The following RASGRF1 variants were observed in gnomAD, a reference collection of about 807,000 sequenced individuals.
The protein encoded by RASGRF1 is Ras protein specific guanine nucleotide releasing factor 1.
A neutral mutation model predicts 138.7 loss-of-function variants in RASGRF1; 40 were observed. The ratio of observed to expected loss-of-function variants is 0.29; its 90% confidence interval spans 0.22 to 0.38. RASGRF1 has a LOEUF of 0.38. Ranked by LOEUF, RASGRF1 falls within the 10% of genes least tolerant of loss-of-function variation. The probability of loss-of-function intolerance (pLI) is 1.00; values close to 1 mark genes in which losing one functional copy is unlikely to be tolerated. For missense variants in RASGRF1, 1,108 were observed against 1,650.4 expected (o/e 0.67, Z 5.69); for synonymous variants, 614 against 663.2 (o/e 0.93, Z 1.14).
chr15:79,075,799 G>T (rs1329773791), intron 1 of RASGRF1, among the ~76,000 whole-genome samples: 1 of 152,170 alleles, frequency 6.6e-6, no homozygotes. Context: ...GTCTGGGTCT[G>T]GCAGTGAAGC....
chr15:79,006,079 G>A lies in RASGRF1; in HGVS notation c.2075+107C>T. The A allele has an allele frequency of 6.7e-7, 1 of 1,488,278 alleles. No homozygotes were observed. Among genetic ancestry groups the A allele is most frequent in the Non-Finnish European group, 9.2e-7 (1 of 1,092,266 alleles). 92.2% of individuals were successfully genotyped at this position (1,488,278 alleles called of 1,614,324 possible). On this transcript the variant is annotated intron_variant, in intron 14 of 26. Transcript: ENST00000558480. This position sits in a 1 kb window ranked among gnomAD's most constrained non-coding sequence, Gnocchi z 4.0. ...CGCAGCACCCCAACACGTTACTGCT[G>A]CTCCTCCAGGGACCTTCCAGGTCAC...
intron 5 of RASGRF1, among the ~76,000 whole-genome samples, chr15:79,038,258 C>T (rs930122257): frequency 6.6e-6 from 1 of 152,196 alleles, no homozygotes; most frequent in Non-Finnish European, 1.5e-5. Context: ...CAGACAGCTT[C>T]AGCACAGCAG....
At chr15:79,063,224 C>G (rs1292837722) in intron 2 of RASGRF1, among the ~76,000 whole-genome samples, 1 of 152,182 alleles carries the variant, frequency 6.6e-6, no homozygotes, top group Non-Finnish European at 1.5e-5. Flanking sequence ...CATCTGTCTC[C>G]CAGCACTGTG....
chr15:78,962,713 T>C (rs1331457818), intron 26 of RASGRF1, among the ~76,000 whole-genome samples: 3 of 152,032 alleles, frequency 2.0e-5, no homozygotes. Flanking sequence ...TGAGACCCTG[T>C]TTCTACAAAA....
chr15:78,995,735 C>CTCA lies in RASGRF1; in HGVS notation c.3027+2_3027+4dup, dbSNP rs2056377695. The CTCA allele has an allele frequency of 6.2e-7, 1 of 1,614,184 alleles. No individual in the cohort carries two copies. On this transcript the variant is annotated splice_donor_region_variant and intron_variant, in intron 20 of 26. Transcript: ENST00000558480. ...TTGGAAAGCAAGAGGGCAGGCCCAG[C>CTCA]TCACCATCTGCGTGATCTCCTCCAG...
At position 79,046,637 on chromosome 15, in the gene RASGRF1, G is replaced by T; in HGVS notation, c.878+109C>A. On this transcript the variant is annotated intron_variant, in intron 5 of 26. Transcript: ENST00000558480. This position sits in a 1 kb window ranked among gnomAD's most constrained non-coding sequence, Gnocchi z 5.3. ...TCTTGGGCACTTCTGTCCTCTCTGG[G>T]CCTCATCTGCACTCGGTGGGAACCA... The T allele has an allele frequency of 5.9e-6, 9 of 1,525,322 alleles. No individual in the cohort carries two copies. Among genetic ancestry groups the T allele is most frequent in the South Asian group, 1.2e-5 (1 of 80,348 alleles). The allele number at this position is 1,525,322 out of a possible 1,614,324, so 94.5% of individuals were successfully genotyped here. A position where few individuals can be genotyped will look rare whatever the true frequency, so the allele number is the denominator to read the frequency against.
At chr15:79,015,486 T>C (rs1184563577) in intron 12 of RASGRF1, 77 bp from the exon 13 acceptor site, 1 of 1,328,440 alleles carries the variant, frequency 7.5e-7, no homozygotes, top group African/African-American at 1.5e-5. Flanking sequence ...CTGCCAACTG[T>C]AAAGTTCACA....
chr15:79,040,236 TC>T (rs1350293422), intron 5 of RASGRF1, among the ~76,000 whole-genome samples: 1 of 151,542 alleles, frequency 6.6e-6, no homozygotes, highest in African/African-American at 2.4e-5. Context: ...TATCACCCCC[TC>T]CCCCCTTCAT....
intron 2 of RASGRF1, among the ~76,000 whole-genome samples, chr15:79,059,895 TG>T (rs1287689653): frequency 7.9e-5 from 12 of 151,528 alleles, no homozygotes; most frequent in African/African-American, 2.7e-4. Flanking sequence ...AAAACTAAAT[TG>T]GGAATATGTA....
At chr15:79,025,585 T>G (rs2057035314) in intron 9 of RASGRF1, 111 bp from the exon 10 acceptor site, 1 of 1,308,624 alleles carries the variant, frequency 7.6e-7, no homozygotes, top group Non-Finnish European at 1.0e-6. Context: ...AAGTCCATTC[T>G]GTTTCCCAGT....
At chr15:79,078,132 G>GGTGTGT (rs143462965) in intron 1 of RASGRF1, among the ~76,000 whole-genome samples, 2 of 148,182 alleles carry the variant, frequency 1.3e-5, no homozygotes, top group Non-Finnish European at 3.0e-5. Context: ...CAGAGAACCT[G>GGTGTGT]GTGTGTGTGT....
Position 78,990,241 on chromosome 15 carries a change from T to C in RASGRF1, c.3164A>G (p.Glu1055Gly), listed in dbSNP as rs748315036. 6.2e-7 allele frequency: 1 copy of C among 1,609,678 alleles called. No individual in the cohort carries two copies. The highest frequency in any genetic ancestry group is 8.5e-7 in the Non-Finnish European group (1 of 1,175,890). Residue 1055 changes from glutamate to glycine, a missense_variant, in exon 22 of 27, where the codon GAA (glutamate) becomes GGA (glycine). Glu to Gly is a moderately conservative substitution (Grantham distance 98). Transcript: ENST00000558480. ...EFFGQGWMKL[E>G]KNERTPYIMK... ...GATATAAGGGGTCCTTTCATTCTTT[T>C]CCAGTTTCATCCATCCTTGTCCGAA...
chr15:79,062,113 T>G (rs1450676018), intron 2 of RASGRF1, among the ~76,000 whole-genome samples: 1 of 152,234 alleles, frequency 6.6e-6, no homozygotes, highest in Non-Finnish European at 1.5e-5. Flanking sequence ...TAAGTATTGG[T>G]ATTTCATTAC....
intron 22 of RASGRF1, among the ~76,000 whole-genome samples, chr15:78,986,470 C>T (rs917551700): frequency 2.6e-5 from 4 of 151,900 alleles, no homozygotes; most frequent in African/African-American, 9.7e-5. Context: ...CCACAACCTC[C>T]CAAGTAGCTG....
At chr15:79,076,825 C>T (rs1290159985) in intron 1 of RASGRF1, among the ~76,000 whole-genome samples, 2 of 152,226 alleles carry the variant, frequency 1.3e-5, no homozygotes, top group Admixed American at 6.5e-5. Context: ...TGATTCCTGA[C>T]CAAGAACTCT....
At chr15:78,990,715 T>G (rs933379480) in intron 21 of RASGRF1, among the ~76,000 whole-genome samples, 3 of 152,200 alleles carry the variant, frequency 2.0e-5, no homozygotes, top group African/African-American at 4.8e-5. Context: ...TTAAAAAGCC[T>G]GCAAGCCAAG....
intron 11 of RASGRF1, among the ~76,000 whole-genome samples, chr15:79,018,498 A>T (rs1360781757): frequency 1.3e-5 from 2 of 152,206 alleles, no homozygotes; most frequent in Non-Finnish European, 2.9e-5. Context: ...ATTCTTTTCA[A>T]TGCACTCACA....
rs148381285 is a variant in RASGRF1 at position 79,046,736 on chromosome 15, G to A, written c.878+10C>T. 11 of 1,613,744 alleles carry A rather than the reference G, an allele frequency of 6.8e-6. No individual in the cohort carries two copies. The highest frequency in any genetic ancestry group is 8.5e-6 in the Non-Finnish European group (10 of 1,179,650). ...CCTTCCTGCCTTGGCCAACCTTTAG[G>A]GGTGCTCACCTGTTCAGGAAGATGC... On this transcript the variant is annotated intron_variant, in intron 5 of 26. Coordinates refer to ENST00000558480, the MANE Select transcript of RASGRF1 (RefSeq NM_001145648.3). The surrounding 1 kb of genome is among the most constrained non-coding windows in gnomAD (Gnocchi z 5.3).
intron 11 of RASGRF1, among the ~76,000 whole-genome samples, chr15:79,019,399 A>G (rs534461348): frequency 4.6e-5 from 7 of 152,242 alleles, no homozygotes; most frequent in African/African-American, 1.7e-4. Context: ...AATCCCATCA[A>G]ACATCACAGC....
Sources: allele counts gnomAD v4.1 joint callset (sites outside exome capture counted in the v4.1 genomes callset), GRCh38; gene constraint gnomAD v4.1.1; non-coding constraint Gnocchi (gnomAD v3.1); transcripts MANE v1.5; gene names NCBI Gene and HGNC (gene_info 2026-07-23, HGNC 2026-07-21).